STRN3: variants seen among roughly 807,000 people sequenced by gnomAD.
STRN3 encodes the protein striatin-3.
Under a neutral mutation model 95.6 loss-of-function variants are expected in STRN3, and 29 were observed. The ratio of observed to expected loss-of-function variants is 0.30; its 90% CI spans 0.23 to 0.41. The LOEUF (loss-of-function observed/expected upper bound fraction) is 0.41. STRN3 is among the 10% of genes least tolerant of loss of function. The probability of loss-of-function intolerance (pLI) is 1.00; values close to 1 mark genes in which losing one functional copy is unlikely to be tolerated. For synonymous variants in STRN3, 331 were observed against 357.6 expected, an observed-to-expected ratio of 0.93 and a Z score of 0.84; for missense variants, 890 against 972.1, an observed-to-expected ratio of 0.92 and a Z score of 1.12.
Position 30,893,955 on chromosome 14 carries a change from T to C in STRN3, c.*1456A>G, listed in dbSNP as rs929851135. The C allele has an allele frequency of 6.6e-6, 1 of 152,640 alleles. No individual in the cohort carries two copies. The highest frequency in any genetic ancestry group is 1.5e-5 in the Non-Finnish European group (1 of 68,022). The allele number at this position is 152,640 out of a possible 1,614,324, so 9.5% of individuals were successfully genotyped here. On this transcript the variant is annotated 3_prime_UTR_variant, in exon 18 of 18. Coordinates refer to ENST00000357479, the MANE Select transcript of STRN3 (RefSeq NM_001083893.2). ...TTTTTCAACAGCTGTATGTTTGCTA[T>C]GTGGTACAATCTTAAAAATTTGCTG...
At chr14:30,962,018 A>AGAT (rs1404763393) in intron 1 of STRN3, among the ~76,000 whole-genome samples, 2 of 152,250 alleles carry the variant, frequency 1.3e-5, no homozygotes, top group Non-Finnish European at 2.9e-5. Context: ...TTGTCATGGA[A>AGAT]GATGACAGTT....
At chr14:31,007,055 A>G (rs1183260439) in intron 1 of STRN3, among the ~76,000 whole-genome samples, 1 of 152,130 alleles carries the variant, frequency 6.6e-6, no homozygotes, top group Non-Finnish European at 1.5e-5. Flanking sequence ...AAAATAAAAT[A>G]CAGACATTTT....
At chr14:31,022,419 A>G (rs1883548489) in intron 1 of STRN3, among the ~76,000 whole-genome samples, 2 of 151,214 alleles carry the variant, frequency 1.3e-5, no homozygotes, top group South Asian at 4.2e-4. Flanking sequence ...CTTTGACTAC[A>G]TTTTCTTGTA....
chr14:30,929,968 A>AAAAAAAAAAAAAAAAC (rs1878438058), intron 7 of STRN3, among the ~76,000 whole-genome samples: 2 of 121,838 alleles, frequency 1.6e-5, no homozygotes, highest in Non-Finnish European at 1.9e-5. Context: ...AAAAAAAAAA[A>AAAAAAAAAAAAAAAAC]AAAAAAAAAA....
intron 1 of STRN3, among the ~76,000 whole-genome samples, chr14:31,005,300 C>T (rs1321896765): frequency 6.6e-6 from 1 of 152,122 alleles, no homozygotes; most frequent in Non-Finnish European, 1.5e-5. Context: ...CCACTGCACT[C>T]CAGCCTGGGC....
chr14:31,019,793 T>C (rs996398543), intron 1 of STRN3, among the ~76,000 whole-genome samples: 3 of 152,034 alleles, frequency 2.0e-5, no homozygotes, highest in Non-Finnish European at 4.4e-5. Context: ...CCCCAAAAAA[T>C]CAAGCATCAG....
At chr14:30,944,570 T>C (rs199656466) in intron 5 of STRN3, among the ~76,000 whole-genome samples, 3,536 of 64,056 alleles carry the variant, frequency 0.055, 86 homozygotes, top group Non-Finnish European at 0.056. Flanking sequence ...TATATATATA[T>C]ACACACACAG....
chr14:30,949,065 G>T (rs1879507295), intron 4 of STRN3, among the ~76,000 whole-genome samples: 1 of 152,220 alleles, frequency 6.6e-6, no homozygotes, highest in Non-Finnish European at 1.5e-5. Context: ...ATAAACCTAA[G>T]ATAGAGAGGA....
chr14:30,911,717 G>C, intron 12 of STRN3, 60 bp downstream of exon 12: 1 of 1,457,890 alleles, frequency 6.9e-7, no homozygotes, highest in Non-Finnish European at 9.4e-7. Context: ...TTTGAGGACC[G>C]ATAAATAATA....
intron 4 of STRN3, among the ~76,000 whole-genome samples, chr14:30,947,560 T>C (rs764489813): frequency 2.6e-5 from 4 of 151,968 alleles, no homozygotes; most frequent in Non-Finnish European, 4.4e-5. Flanking sequence ...CACACACATT[T>C]TTAAATTTCC....
intron 3 of STRN3, among the ~76,000 whole-genome samples, chr14:30,952,859 TA>T (rs1261058199): frequency 6.6e-6 from 1 of 152,094 alleles, no homozygotes; most frequent in African/African-American, 2.4e-5. Flanking sequence ...AAAAAAATAC[TA>T]AAAAAACAAG....
At chr14:31,006,389 C>A (rs1882715868) in intron 1 of STRN3, among the ~76,000 whole-genome samples, 1 of 151,606 alleles carries the variant, frequency 6.6e-6, no homozygotes, top group African/African-American at 2.4e-5. Context: ...AGTGAGACCT[C>A]GTGTTTACTA....
intron 7 of STRN3, among the ~76,000 whole-genome samples, chr14:30,930,724 C>T (rs1442039756): frequency 1.2e-4 from 18 of 152,048 alleles, no homozygotes; most frequent in Non-Finnish European, 2.5e-4. Context: ...TTACTCAATT[C>T]GCATGTATTC....
At chr14:30,951,240 T>C (rs558536385) in intron 3 of STRN3, among the ~76,000 whole-genome samples, 1 of 152,212 alleles carries the variant, frequency 6.6e-6, no homozygotes, top group African/African-American at 2.4e-5. Context: ...AACTGATTTT[T>C]TCTCTTTTTT....
At position 30,894,290 on chromosome 14, in the gene STRN3, A is replaced by C. The variant is rs925530531; in HGVS notation, c.*1121T>G. 2.6e-5 allele frequency: 4 copies of C among 152,418 alleles called. No homozygotes were observed. Among genetic ancestry groups the C allele is most frequent in the African/African-American group, 9.6e-5 (4 of 41,454 alleles). 9.4% of individuals were successfully genotyped at this position (152,418 alleles called of 1,614,324 possible). On this transcript the variant is annotated 3_prime_UTR_variant, in exon 18 of 18. Coordinates refer to ENST00000357479, the MANE Select transcript of STRN3 (RefSeq NM_001083893.2). Reference sequence around the variant, plus strand: ...TTGGAATCATGGTAAACCAAGATATATATCTTAGGGGGAACCACCTTGGTT... The same window carrying C: ...TTGGAATCATGGTAAACCAAGATATCTATCTTAGGGGGAACCACCTTGGTT...
At position 30,909,120 on chromosome 14, in the gene STRN3, T is replaced by C. The variant is rs34623113; in HGVS notation, c.1720+1921A>G. Reference sequence around the variant, plus strand: ...ATTAGTGATGATGGCTGTAAAACTTTGTGAATGTTCTGAAATTAGTGATGA... The same window carrying C: ...ATTAGTGATGATGGCTGTAAAACTTCGTGAATGTTCTGAAATTAGTGATGA... On this transcript the variant is annotated intron_variant, in intron 13 of 17. Coordinates refer to ENST00000357479, the MANE Select transcript of STRN3 (RefSeq NM_001083893.2). 7.8e-3 allele frequency among the ~76,000 whole-genome samples: 1,186 copies of C among 152,328 alleles called. 17 individuals are homozygous for C. The highest frequency in any genetic ancestry group is 8.4e-3 in the Non-Finnish European group (571 of 68,028).
chr14:30,942,882 A>C (rs911669484), intron 5 of STRN3, among the ~76,000 whole-genome samples: 4 of 152,220 alleles, frequency 2.6e-5, no homozygotes, highest in Admixed American at 2.6e-4. Context: ...GCTTTACATT[A>C]ATTCATTCCT....
Position 30,935,285 on chromosome 14 carries a change from G to C in STRN3, c.866C>G (p.Ala289Gly). Residue 289 changes from alanine to glycine, a missense_variant, in exon 7 of 18, where the codon GCT becomes GGT. Ala to Gly is a moderately conservative substitution (Grantham distance 60). Around this residue, in one of 3 missense-constraint regions of STRN3, gnomAD observed 526 missense variants for 526.3 expected, o/e 1.00. Coordinates refer to ENST00000357479, the MANE Select transcript of STRN3 (RefSeq NM_001083893.2). ...ATCAGGATCGTCAGTTAGGTCAGCA[G>C]CTAAACCTTCATTACCTATCTGTAA... is the stretch of plus-strand genomic sequence containing the variant. ...NKHKIGNEGLAADLTDDPDTE... is the reference protein window; with the variant it reads ...NKHKIGNEGLGADLTDDPDTE... The C allele has an allele frequency of 6.2e-7, 1 of 1,613,944 alleles. No homozygotes were observed. Among genetic ancestry groups the C allele is most frequent in the Non-Finnish European group, 8.5e-7 (1 of 1,179,918 alleles).
At chr14:30,989,747 C>T (rs1881862409) in intron 1 of STRN3, among the ~76,000 whole-genome samples, 2 of 152,154 alleles carry the variant, frequency 1.3e-5, no homozygotes, top group East Asian at 1.9e-4. Flanking sequence ...CGTGAGCCAC[C>T]GCGCCCGGAC....
Sources: gnomAD v4.1 joint callset for allele counts (sites outside exome capture counted in the v4.1 genomes callset) on GRCh38, gnomAD v4.1.1 for gene constraint, gnomAD v4.1.1 regional missense constraint, MANE v1.5 for transcripts, NCBI Gene and HGNC (gene_info 2026-07-23, HGNC 2026-07-21) for gene names.